The following MCTP1 variants were observed in gnomAD, a reference collection of about 807,000 sequenced individuals.
MCTP1 encodes the protein multiple C2 and transmembrane domain containing 1, also known as multiple C2 and transmembrane domain-containing protein 1.
Under a neutral mutation model 120.6 loss-of-function variants are expected in MCTP1, and 69 were observed. The ratio of observed to expected loss-of-function variants is 0.57; its 90% CI spans 0.47 to 0.70. The LOEUF (loss-of-function observed/expected upper bound fraction) is 0.70. MCTP1 is among the 30% of genes least tolerant of loss of function. The pLI is 0.00. For missense variants in MCTP1, 1,203 were observed against 1,248.8 expected, an observed-to-expected ratio of 0.96 and a Z score of 0.55; for synonymous variants, 529 against 493.1, an observed-to-expected ratio of 1.07 and a Z score of -0.96.
chr5:95,136,842 T>C (rs1232399620), intron 1 of MCTP1, among the ~76,000 whole-genome samples: 1 of 152,318 alleles, frequency 6.6e-6, no homozygotes, highest in East Asian at 1.9e-4. Context: ...TACATCTTCC[T>C]GCCTCACATT....
rs534566368 is a variant in MCTP1, at chr5:94,774,004, C to T, written c.2610+5106G>A. ...CGGGCGGATCACGAGGTCAGGAGAT[C>T]GAGACCATCCCGGCTAAAATGGTGA... On this transcript the variant is annotated intron_variant, in intron 19 of 22. Transcript: ENST00000515393. Among the ~76,000 whole-genome samples the T allele has an allele frequency of 3.0e-4, 12 of 40,608 alleles. 3 individuals carry two copies. Among genetic ancestry groups the T allele is most frequent in the Admixed American group, 2.4e-3 (10 of 4,156 alleles). The allele number at this position is 40,608 out of a possible 152,430, so 26.6% of individuals were successfully genotyped here. A position where few individuals can be genotyped will look rare whatever the true frequency, so the allele number is the denominator to read the frequency against.
At chr5:95,015,690 T>C (rs1251057179) in intron 2 of MCTP1, among the ~76,000 whole-genome samples, 1 of 152,158 alleles carries the variant, frequency 6.6e-6, no homozygotes, top group Non-Finnish European at 1.5e-5. Context: ...CATTTTTCCA[T>C]ATCAATTTCT....
At chr5:94,815,869 G>T (rs980919121) in intron 17 of MCTP1, among the ~76,000 whole-genome samples, 1 of 152,104 alleles carries the variant, frequency 6.6e-6, no homozygotes, top group Admixed American at 6.6e-5. Context: ...CAAAGAGAGG[G>T]CAATATGCGA....
chr5:95,214,916 A>G (rs796202662), intron 1 of MCTP1, among the ~76,000 whole-genome samples: 15 of 151,878 alleles, frequency 9.9e-5, no homozygotes, highest in African/African-American at 3.1e-4. Context: ...CCTAATGTAA[A>G]TGACGAGTTA....
rs76285632 is a variant in MCTP1, at chr5:95,037,103, A to G, written c.721-19619T>C. 2.9e-3 allele frequency among the ~76,000 whole-genome samples: 445 copies of G among 152,310 alleles called. 3 individuals are homozygous for G. Among genetic ancestry groups the G allele is most frequent in the African/African-American group, 0.01 (431 of 41,578 alleles). The stretch of plus-strand genomic sequence containing the variant: ...CAGGAGTTTCATGGCAGTAAATCAG[A>G]AGTCCTCCACCTCCTTCAACCTGCC... On this transcript the variant is annotated intron_variant, in intron 1 of 22. Coordinates refer to ENST00000515393, the MANE Select transcript of MCTP1 (RefSeq NM_024717.7).
chr5:94,857,235 G>C lies in MCTP1; in HGVS notation c.2436+11098C>G, dbSNP rs562698434. On this transcript the variant is annotated intron_variant, in intron 17 of 22. Coordinates refer to ENST00000515393, the MANE Select transcript of MCTP1 (RefSeq NM_024717.7). The stretch of plus-strand genomic sequence containing the variant: ...GTCAGCCACTCAACACAGCTTTATT[G>C]AGTGTGCATGAAAACGAGGGAAGTC... Among the ~76,000 whole-genome samples the C allele has an allele frequency of 2.6e-5, 4 of 151,816 alleles. No homozygotes were observed. In the South Asian group the frequency reaches 8.3e-4, roughly 32 times the overall value.
intron 1 of MCTP1, among the ~76,000 whole-genome samples, chr5:95,084,790 G>A (rs994000337): frequency 6.6e-6 from 1 of 151,600 alleles, no homozygotes; most frequent in Non-Finnish European, 1.5e-5. Flanking sequence ...TGCTTTTTTT[G>A]GCTTGCTCTA....
chr5:94,743,501 G>A (rs1379989905), intron 19 of MCTP1, among the ~76,000 whole-genome samples: 4 of 152,112 alleles, frequency 2.6e-5, no homozygotes, highest in African/African-American at 9.7e-5. Flanking sequence ...AAACGGAAAC[G>A]CCTGCACAGG....
intron 1 of MCTP1, among the ~76,000 whole-genome samples, chr5:95,061,444 T>G (rs1749164349): frequency 1.5e-5 from 1 of 65,048 alleles, no homozygotes; most frequent in Non-Finnish European, 2.9e-5. Flanking sequence ...TTTTTTTTTT[T>G]TTTTTTTTTG....
chr5:95,155,815 G>A (rs934805344), intron 1 of MCTP1, among the ~76,000 whole-genome samples: 1 of 152,222 alleles, frequency 6.6e-6, no homozygotes, highest in African/African-American at 2.4e-5. Context: ...GTGTGGGAGA[G>A]ATGTGATTAC....
chr5:94,933,126 G>A (rs1251779356), intron 5 of MCTP1, among the ~76,000 whole-genome samples: 1 of 151,478 alleles, frequency 6.6e-6, no homozygotes, highest in Non-Finnish European at 1.5e-5. Context: ...ACTGTTAAAT[G>A]TTGACCAAAA....
In MCTP1 at chr5:95,140,693, T is replaced by TA. The variant is rs35248317; in HGVS notation, c.721-123210dup. ...TAACACCGTGAAACCCTGTCCCTAC[T>TA]AAAAAAAAAAAAAAAAAAAAAAAAA... On this transcript the variant is annotated intron_variant, in intron 1 of 22. Transcript: ENST00000515393. 5.8e-3 allele frequency among the ~76,000 whole-genome samples: 160 copies of TA among 27,626 alleles called. 16 individuals carry two copies. Among genetic ancestry groups the TA allele is most frequent in the East Asian group, 0.013 (6 of 478 alleles). The allele number at this position is 27,626 out of a possible 152,430, so 18.1% of individuals were successfully genotyped here.
intron 1 of MCTP1, among the ~76,000 whole-genome samples, chr5:95,226,467 G>A (rs1210238136): frequency 6.6e-6 from 1 of 152,146 alleles, no homozygotes; most frequent in Non-Finnish European, 1.5e-5. Context: ...TGTGACAGGT[G>A]CAGGATTTTT....
intron 17 of MCTP1, 72 bp downstream of exon 17, chr5:94,868,261 A>G: frequency 1.4e-6 from 2 of 1,389,236 alleles, no homozygotes; most frequent in Non-Finnish European, 9.5e-7. Flanking sequence ...CTGTTACTAT[A>G]GCCACAGAAA....
At chr5:95,144,299 A>G (rs183449892) in intron 1 of MCTP1, among the ~76,000 whole-genome samples, 3 of 152,286 alleles carry the variant, frequency 2.0e-5, no homozygotes, top group African/African-American at 4.8e-5. Flanking sequence ...TAGACTCTGG[A>G]TAACAGATCT....
chr5:95,252,314 T>G (rs1468179069), intron 1 of MCTP1, among the ~76,000 whole-genome samples: 1 of 152,140 alleles, frequency 6.6e-6, no homozygotes, highest in Non-Finnish European at 1.5e-5. Flanking sequence ...GAAGTTAGGC[T>G]GCTACCCTCC....
intron 2 of MCTP1, among the ~76,000 whole-genome samples, chr5:95,013,674 T>G (rs938518259): frequency 1.3e-5 from 2 of 152,112 alleles, no homozygotes; most frequent in Non-Finnish European, 2.9e-5. Flanking sequence ...ATGTTGTGAC[T>G]TATGGCTCAG....
Position 94,799,038 on chromosome 5 carries a change from C to G in MCTP1, c.2531G>C (p.Gly844Ala). The change falls in exon 18 of 23, where the codon GGG becomes GCG. Residue 844 changes from glycine (G) to alanine (A), a missense_variant. Transcript: ENST00000515393. ...LTWNYFLIIS[G>A]KDNRQRDTVV... Reference sequence around the variant, plus strand: ...TGTATCACGTTGCCTGTTATCTTTCCCTGATATTATCAAGAAGTAGTTCCA... The same window carrying G: ...TGTATCACGTTGCCTGTTATCTTTCGCTGATATTATCAAGAAGTAGTTCCA... The G allele has an allele frequency of 6.2e-7, 1 of 1,611,726 alleles. No individual in the cohort carries two copies.
chr5:94,741,420 T>C (rs548455885), intron 19 of MCTP1, among the ~76,000 whole-genome samples: 1 of 152,348 alleles, frequency 6.6e-6, no homozygotes, highest in African/African-American at 2.4e-5. Flanking sequence ...GTTTCTACCA[T>C]TCAAACATTT....
Sources: gnomAD v4.1 joint callset for allele counts (sites outside exome capture counted in the v4.1 genomes callset) on GRCh38, gnomAD v4.1.1 for gene constraint, MANE v1.5 for transcripts, NCBI Gene and HGNC (gene_info 2026-07-23, HGNC 2026-07-21) for gene names.